SCML4: variants seen among roughly 807,000 people sequenced by gnomAD.
SCML4 encodes Scm polycomb group protein like 4.
Under a neutral mutation model 41.1 loss-of-function variants are expected in SCML4, and 34 were observed. That is an observed-to-expected ratio of 0.83 (90% confidence interval 0.63 to 1.10). The LOEUF (loss-of-function observed/expected upper bound fraction) is 1.10, where lower values mean the gene tolerates loss of function less well. SCML4 is among the 50% of genes least tolerant of loss of function. The probability of loss-of-function intolerance (pLI) is 0.00; values close to 1 mark genes in which losing one functional copy is unlikely to be tolerated. For synonymous variants in SCML4, 214 were observed against 220.9 expected (o/e 0.97, Z 0.28); for missense variants, 522 against 534.1 (o/e 0.98, Z 0.22).
At chr6:107,792,021 G>C (rs1364371171) in intron 1 of SCML4, among the ~76,000 whole-genome samples, 1 of 152,200 alleles carries the variant, frequency 6.6e-6, no homozygotes, top group Non-Finnish European at 1.5e-5. Flanking sequence ...ATTTACTTTG[G>C]GGGAAGGGGA....
rs570420100 is a variant in SCML4, at chr6:107,720,857, G to T, written c.819C>A (p.Asn273Lys). The T allele has an allele frequency of 3.7e-6, 6 of 1,614,210 alleles. No homozygotes were observed. The highest frequency in any genetic ancestry group is 5.1e-6 in the Non-Finnish European group (6 of 1,180,030). The change falls in exon 6 of 8, where the codon AAC becomes AAA. Residue 273 changes from asparagine to lysine, a missense_variant. Coordinates refer to ENST00000369020, the MANE Select transcript of SCML4 (RefSeq NM_198081.5). ...PSSSLYCKRQ[N>K]SGDSHLGGGP... ...CACCCCCAAGGTGGCTGTCTCCAGAGTTCTGCCTCTTGCAGTACAGCGAGG... is the reference window on the plus strand; with the variant it reads ...CACCCCCAAGGTGGCTGTCTCCAGATTTCTGCCTCTTGCAGTACAGCGAGG...
At chr6:107,778,946 C>T (rs934544627) in intron 1 of SCML4, among the ~76,000 whole-genome samples, 1 of 151,918 alleles carries the variant, frequency 6.6e-6, no homozygotes, top group African/African-American at 2.4e-5. Context: ...TTTGGGAGGC[C>T]GAGGCGGGCG....
In SCML4 at chr6:107,755,820, T is replaced by C. The variant is rs192116212; in HGVS notation, c.157-6007A>G. Among the ~76,000 whole-genome samples, 774 of 152,272 alleles carry C rather than the reference T, an allele frequency of 5.1e-3. 11 individuals carry two copies. In the East Asian group the frequency reaches 0.063, roughly 12 times the overall value. ...TAGGATTAGGGTAGGGATTACACAC[T>C]GGGAGCCTAGAGCATCTTGTAATGC... On this transcript the variant is annotated intron_variant, in intron 2 of 7. Coordinates refer to ENST00000369020, the MANE Select transcript of SCML4 (RefSeq NM_198081.5).
chr6:107,739,681 T>C (rs1777406683), intron 5 of SCML4, among the ~76,000 whole-genome samples: 1 of 152,160 alleles, frequency 6.6e-6, no homozygotes, highest in Non-Finnish European at 1.5e-5. Context: ...CTCATACAAA[T>C]GCATATGCCT....
chr6:107,836,565 G>A, the SCML4 span, among the ~76,000 whole-genome samples: 1 of 152,128 alleles, frequency 6.6e-6, no homozygotes, highest in Admixed American at 6.5e-5. Flanking sequence ...GCAACACCCT[G>A]GTCACAGCAT....
chr6:107,806,194 C>G (rs557515888), intron 1 of SCML4, among the ~76,000 whole-genome samples: 13 of 20,870 alleles, frequency 6.2e-4, no homozygotes, highest in Admixed American at 9.8e-4. Flanking sequence ...TTTCCCCCCC[C>G]CCAATAAACA....
chr6:107,815,598 A>C (rs1002566962), intron 1 of SCML4, among the ~76,000 whole-genome samples: 1 of 152,312 alleles, frequency 6.6e-6, no homozygotes, highest in East Asian at 1.9e-4. Context: ...CTTCAACTGC[A>C]TTGGAGGGGT....
At chr6:107,839,462 G>C in the SCML4 span, among the ~76,000 whole-genome samples, 1 of 152,000 alleles carries the variant, frequency 6.6e-6, no homozygotes, top group Admixed American at 6.6e-5. Flanking sequence ...GAAAAGAAAA[G>C]AAATTTACAG....
intron 5 of SCML4, among the ~76,000 whole-genome samples, chr6:107,721,376 C>T (rs1422556144): frequency 3.3e-5 from 5 of 151,972 alleles, no homozygotes; most frequent in Middle Eastern, 3.2e-3. Flanking sequence ...CCAGCCTGGC[C>T]AACATGATGA....
intron 1 of SCML4, among the ~76,000 whole-genome samples, chr6:107,778,903 G>A (rs982455650): frequency 4.6e-5 from 7 of 152,146 alleles, no homozygotes; most frequent in African/African-American, 1.7e-4. Context: ...CATCCCGGCC[G>A]GGCGCGGTGG....
intron 2 of SCML4, among the ~76,000 whole-genome samples, chr6:107,751,456 G>A (rs1778615486): frequency 6.6e-6 from 1 of 152,166 alleles, no homozygotes; most frequent in Admixed American, 6.5e-5. Flanking sequence ...AGTGAGACAG[G>A]AGAGGTAATA....
intron 4 of SCML4, 25 bp downstream of exon 4, chr6:107,746,664 T>G (rs1364228261): frequency 6.2e-7 from 1 of 1,604,478 alleles, no homozygotes; most frequent in Non-Finnish European, 8.5e-7. Flanking sequence ...CATGGCCTCC[T>G]CATGCAACCT....
intron 2 of SCML4, chr6:107,755,739 T>G: frequency 1.8e-6 from 1 of 543,854 alleles, no homozygotes; most frequent in Non-Finnish European, 2.6e-6. Context: ...TATAGTGGTT[T>G]CTAACACCAT....
At chr6:107,761,080 A>G (rs1047546644) in intron 2 of SCML4, among the ~76,000 whole-genome samples, 1 of 152,170 alleles carries the variant, frequency 6.6e-6, no homozygotes, top group African/African-American at 2.4e-5. Flanking sequence ...GATTAAAACT[A>G]TGGAAAAGAG....
At chr6:107,721,106 G>T in intron 5 of SCML4, 113 bp from the exon 6 acceptor site, 1 of 1,319,578 alleles carries the variant, frequency 7.6e-7, no homozygotes, top group Non-Finnish European at 1.0e-6. Context: ...GTATTTGTGA[G>T]CATGCAGAGA....
chr6:107,714,971 C>T (rs1305397869), intron 6 of SCML4, among the ~76,000 whole-genome samples: 2 of 95,914 alleles, frequency 2.1e-5, no homozygotes, highest in African/African-American at 3.3e-5. Context: ...CCTGCACAAA[C>T]CCTTTATTTT....
chr6:107,746,796 G>A lies in SCML4; in HGVS notation c.380C>T (p.Pro127Leu). 6.2e-7 allele frequency: 1 copy of A among 1,614,120 alleles called. No homozygotes were observed. Among genetic ancestry groups the A allele is most frequent in the Middle Eastern group, 1.7e-4 (1 of 6,060 alleles). ...GACGGCCTGCTGCAGCACCGCCGAT[G>A]GCCGCTCGGGCCCAAAATGCTCCGG... ...QLPEHFGPER[P>L]SAVLQQAVQA... Residue 127 changes from proline to leucine, a missense_variant, in exon 4 of 8, where the codon CCA (proline) becomes CTA (leucine). Transcript: ENST00000369020.
At chr6:107,748,994 C>A (rs1000833734) in intron 3 of SCML4, among the ~76,000 whole-genome samples, 1 of 152,132 alleles carries the variant, frequency 6.6e-6, no homozygotes, top group African/African-American at 2.4e-5. Context: ...CAGGGTGGAG[C>A]CTGCAGGGCC....
intron 1 of SCML4, among the ~76,000 whole-genome samples, chr6:107,817,413 T>C (rs1784620544): frequency 6.6e-6 from 1 of 152,102 alleles, no homozygotes; most frequent in Non-Finnish European, 1.5e-5. Context: ...CGTCAGGAGC[T>C]TGAGACCAGC....
Sources: allele counts gnomAD v4.1 joint callset (sites outside exome capture counted in the v4.1 genomes callset), GRCh38; gene constraint gnomAD v4.1.1; transcripts MANE v1.5; gene names NCBI Gene and HGNC (gene_info 2026-07-23, HGNC 2026-07-21).